Variants in STPG2 observed in about 807,000 individuals in gnomAD.
The protein encoded by STPG2 is sperm-tail PG-rich repeat-containing protein 2.
A neutral mutation model predicts 54.2 loss-of-function variants in STPG2; 56 were observed. That is an observed-to-expected ratio of 1.03 (90% CI 0.83 to 1.29). The LOEUF (loss-of-function observed/expected upper bound fraction) is 1.29, where lower values mean the gene tolerates loss of function less well. Ranked by LOEUF, STPG2 falls within the 50% of genes most tolerant of loss-of-function variation. The probability of loss-of-function intolerance (pLI) is 0.00; values close to 1 mark genes in which losing one functional copy is unlikely to be tolerated. For missense variants in STPG2, 596 were observed against 544.9 expected (o/e 1.09, Z -0.93); for synonymous variants, 200 against 181.8 (o/e 1.10, Z -0.81).
At chr4:98,100,946 G>C (rs1739014393) in intron 5 of STPG2, among the ~76,000 whole-genome samples, 1 of 151,990 alleles carries the variant, frequency 6.6e-6, no homozygotes, top group Admixed American at 6.6e-5. Flanking sequence ...AAAGTGCTGG[G>C]ATTACAGTCG....
At chr4:97,650,325 G>T (rs752579327) in intron 10 of STPG2, among the ~76,000 whole-genome samples, 7 of 152,144 alleles carry the variant, frequency 4.6e-5, no homozygotes, top group Non-Finnish European at 8.8e-5. Context: ...GTCAAACTCT[G>T]TAAAATATTT....
chr4:97,958,321 A>G (rs759809194), intron 7 of STPG2, among the ~76,000 whole-genome samples: 81 of 152,088 alleles, frequency 5.3e-4, no homozygotes, highest in Non-Finnish European at 9.4e-4. Context: ...AAAAAAAAGA[A>G]AAGTAAAGAA....
intron 5 of STPG2, among the ~76,000 whole-genome samples, chr4:98,023,642 C>T (rs1736309685): frequency 6.6e-6 from 1 of 152,204 alleles, no homozygotes; most frequent in Non-Finnish European, 1.5e-5. Context: ...GTGGAGCCTA[C>T]AGAGGCAGGC....
intron 4 of STPG2, among the ~76,000 whole-genome samples, chr4:97,535,755 T>C (rs189963346): frequency 1.2e-4 from 19 of 152,284 alleles, no homozygotes; most frequent in Non-Finnish European, 1.9e-4. Context: ...TTGACCTTCT[T>C]GGGTCTATGC....
At chr4:97,988,000 G>A (rs964017085) in intron 5 of STPG2, among the ~76,000 whole-genome samples, 2 of 147,850 alleles carry the variant, frequency 1.4e-5, no homozygotes, top group South Asian at 2.2e-4. Context: ...CAGAACATAA[G>A]TCAAATCCTT....
chr4:97,696,981 A>G (rs962750766), intron 10 of STPG2, among the ~76,000 whole-genome samples: 2 of 152,218 alleles, frequency 1.3e-5, no homozygotes, highest in East Asian at 3.9e-4. Context: ...ATTGCATTGC[A>G]GAACAGGCAT....
At chr4:97,606,939 G>A (rs933840590) in intron 10 of STPG2, among the ~76,000 whole-genome samples, 1 of 151,888 alleles carries the variant, frequency 6.6e-6, no homozygotes, top group Non-Finnish European at 1.5e-5. Context: ...ATTCATATCA[G>A]ATGTACTGAC....
chr4:98,054,931 T>C (rs560716213), intron 5 of STPG2, among the ~76,000 whole-genome samples: 1 of 152,274 alleles, frequency 6.6e-6, no homozygotes, highest in East Asian at 1.9e-4. Flanking sequence ...ATTAAGTGTA[T>C]AGCACTTAAC....
At chr4:97,692,381 T>C (rs1478529499) in intron 10 of STPG2, among the ~76,000 whole-genome samples, 3 of 142,452 alleles carry the variant, frequency 2.1e-5, no homozygotes, top group Non-Finnish European at 3.1e-5. Context: ...AGGACACACA[T>C]AGAGAATTGC....
intron 8 of STPG2, among the ~76,000 whole-genome samples, chr4:97,884,328 A>G (rs1202752998): frequency 6.6e-6 from 1 of 152,138 alleles, no homozygotes; most frequent in African/African-American, 2.4e-5. Context: ...ATGTGACTAT[A>G]TTTGCAGATC....
intron 10 of STPG2, among the ~76,000 whole-genome samples, chr4:97,664,800 T>C (rs1211181602): frequency 6.6e-6 from 1 of 151,992 alleles, no homozygotes; most frequent in Non-Finnish European, 1.5e-5. Flanking sequence ...TTTGCCCAAG[T>C]TTTGCTCAGG....
chr4:98,060,665 A>C (rs991883338), intron 5 of STPG2, among the ~76,000 whole-genome samples: 62 of 152,276 alleles, frequency 4.1e-4, no homozygotes, highest in African/African-American at 1.3e-3. Context: ...AATTCAAACT[A>C]TACTACAGGG....
At chr4:98,089,719 T>G (rs1374946085) in intron 5 of STPG2, among the ~76,000 whole-genome samples, 1 of 152,090 alleles carries the variant, frequency 6.6e-6, no homozygotes, top group Non-Finnish European at 1.5e-5. Flanking sequence ...CATCTTTTTT[T>G]TTTTTTACTT....
chr4:97,926,913 A>G (rs1344128881), intron 8 of STPG2, among the ~76,000 whole-genome samples: 6 of 152,070 alleles, frequency 3.9e-5, no homozygotes, highest in Admixed American at 3.9e-4. Flanking sequence ...ATAGCCTACT[A>G]TAGGCAACAC....
intron 10 of STPG2, among the ~76,000 whole-genome samples, chr4:97,643,839 C>T (rs929146588): frequency 3.3e-5 from 5 of 151,688 alleles, no homozygotes; most frequent in Non-Finnish European, 7.4e-5. Flanking sequence ...TGGTAAAATT[C>T]ACCTTATTTT....
In STPG2 at chr4:97,905,552, C is replaced by T. The variant is rs528783301; in HGVS notation, c.1044+38345G>A. ...ACTAGGAAGAAACTGCATCAACTAA[C>T]GAGCAAAATAACCAGTTAACATCAT... On this transcript the variant is annotated intron_variant, in intron 8 of 10. Transcript: ENST00000295268. 2.2e-4 allele frequency among the ~76,000 whole-genome samples: 33 copies of T among 151,642 alleles called. No homozygotes were observed. In the East Asian group the frequency reaches 2.5e-3, roughly 12 times the overall value.
intron 10 of STPG2, among the ~76,000 whole-genome samples, chr4:97,701,639 T>G (rs1437020749): frequency 1.3e-5 from 2 of 152,194 alleles, no homozygotes; most frequent in African/African-American, 2.4e-5. Context: ...GTGATTCTGT[T>G]TTTATAATTC....
intron 9 of STPG2, among the ~76,000 whole-genome samples, chr4:97,788,444 A>C (rs1326438036): frequency 6.6e-6 from 1 of 152,104 alleles, no homozygotes; most frequent in East Asian, 1.9e-4. Flanking sequence ...CATCAGGTAC[A>C]TGTACCACAT....
intron 4 of STPG2, among the ~76,000 whole-genome samples, chr4:97,524,226 T>C (rs556611581): frequency 6.6e-6 from 1 of 152,066 alleles, no homozygotes; most frequent in African/African-American, 2.4e-5. Flanking sequence ...CTGTTTAATG[T>C]GTCCAACTTA....
Sources: gnomAD v4.1 joint callset for allele counts (sites outside exome capture counted in the v4.1 genomes callset) on GRCh38, gnomAD v4.1.1 for gene constraint, MANE v1.5 for transcripts, NCBI Gene and HGNC (gene_info 2026-07-23, HGNC 2026-07-21) for gene names.